NUDCD1: variants seen among roughly 807,000 people sequenced by gnomAD.
NUDCD1 encodes nudC domain-containing protein 1.
A neutral mutation model predicts 67.8 loss-of-function variants in NUDCD1; 60 were observed. The ratio of observed to expected loss-of-function variants is 0.88; its 90% CI spans 0.72 to 1.10. The LOEUF (loss-of-function observed/expected upper bound fraction) is 1.10. Ranked by LOEUF, NUDCD1 falls within the 50% of genes least tolerant of loss-of-function variation. The pLI is 0.00. For synonymous variants in NUDCD1, 244 were observed against 230.8 expected (o/e 1.06, Z -0.52); for missense variants, 643 against 695.0 (o/e 0.93, Z 0.84).
chr8:109,312,499 ATTAAGTT>A (rs996173210), intron 2 of NUDCD1, among the ~76,000 whole-genome samples: 4 of 152,204 alleles, frequency 2.6e-5, no homozygotes, highest in African/African-American at 9.6e-5. Flanking sequence ...CTATGGTTTT[ATTAAGTT>A]TTATGTTTTA....
At chr8:109,255,527 C>CT (rs1014477774) in intron 8 of NUDCD1, among the ~76,000 whole-genome samples, 2 of 151,800 alleles carry the variant, frequency 1.3e-5, no homozygotes, top group Non-Finnish European at 2.9e-5. Context: ...AAAACTGATA[C>CT]TTTTTTTTCA....
chr8:109,322,819 A>G (rs1332315253), intron 1 of NUDCD1, among the ~76,000 whole-genome samples: 1 of 152,006 alleles, frequency 6.6e-6, no homozygotes, highest in Non-Finnish European at 1.5e-5. Context: ...GTTAAGCCCA[A>G]TTTATGAAGT....
At chr8:109,295,334 T>G (rs1462135045) in intron 3 of NUDCD1, among the ~76,000 whole-genome samples, 1 of 152,194 alleles carries the variant, frequency 6.6e-6, no homozygotes, top group African/African-American at 2.4e-5. Context: ...TTCAGGTAGC[T>G]GTGCTACATA....
intron 8 of NUDCD1, among the ~76,000 whole-genome samples, chr8:109,246,089 C>T (rs945399628): frequency 8.5e-5 from 13 of 152,160 alleles, no homozygotes; most frequent in Non-Finnish European, 1.8e-4. Context: ...CTGAAACCAT[C>T]CACCAAGCCC....
chr8:109,305,506 G>C (rs2980631), intron 2 of NUDCD1, among the ~76,000 whole-genome samples: 57,936 of 151,912 alleles, frequency 0.38, 11,555 homozygotes, highest in South Asian at 0.5. Flanking sequence ...CAGCCTCCAA[G>C]TTAAAAAGGA....
intron 8 of NUDCD1, among the ~76,000 whole-genome samples, chr8:109,263,184 T>C (rs1813912981): frequency 1.3e-5 from 2 of 151,282 alleles, no homozygotes; most frequent in South Asian, 4.2e-4. Flanking sequence ...GAATAAAGTC[T>C]CTTTCCTCCA....
At chr8:109,279,329 C>A (rs989821237) in intron 6 of NUDCD1, among the ~76,000 whole-genome samples, 3 of 152,134 alleles carry the variant, frequency 2.0e-5, no homozygotes, top group Admixed American at 2.0e-4. Context: ...GTGTCTCACT[C>A]TAGTTTTAAT....
chr8:109,297,103 T>C (rs1425792602), intron 2 of NUDCD1, among the ~76,000 whole-genome samples: 1 of 152,232 alleles, frequency 6.6e-6, no homozygotes, highest in Non-Finnish European at 1.5e-5. Flanking sequence ...AAGTGGTTAT[T>C]GTTTCAAGTC....
intron 2 of NUDCD1, chr8:109,298,759 G>GT (rs1814904487): frequency 2.0e-5 from 3 of 152,198 alleles, no homozygotes; most frequent in African/African-American, 7.2e-5. Flanking sequence ...ACGGGAGGCA[G>GT]GACTAAATTG....
At chr8:109,282,525 T>C (rs956383818) in intron 5 of NUDCD1, among the ~76,000 whole-genome samples, 4 of 151,702 alleles carry the variant, frequency 2.6e-5, no homozygotes, top group African/African-American at 4.8e-5. Context: ...AACTAAAAAA[T>C]CCTATCTGCA....
chr8:109,270,067 C>CGGGGGGGGG (rs1171291973), intron 8 of NUDCD1, among the ~76,000 whole-genome samples: 2 of 4,568 alleles, frequency 4.4e-4, no homozygotes, highest in Admixed American at 3.4e-3. Flanking sequence ...GTGGCGGGGG[C>CGGGGGGGGG]GGGGGGGGGG....
At chr8:109,268,696 T>C (rs1185586884) in intron 8 of NUDCD1, among the ~76,000 whole-genome samples, 1 of 152,160 alleles carries the variant, frequency 6.6e-6, no homozygotes, top group Non-Finnish European at 1.5e-5. Context: ...CCTAAAACTA[T>C]AACGTTAAGA....
chr8:109,277,535 G>A (rs1271176033), intron 6 of NUDCD1, among the ~76,000 whole-genome samples: 2 of 151,466 alleles, frequency 1.3e-5, no homozygotes, highest in African/African-American at 2.4e-5. Context: ...TCCAAAGTGA[G>A]ACAACAGTAA....
intron 2 of NUDCD1, among the ~76,000 whole-genome samples, chr8:109,319,599 A>G (rs966067517): frequency 3.9e-5 from 6 of 152,192 alleles, no homozygotes; most frequent in African/African-American, 1.2e-4. Flanking sequence ...CACTGAATTA[A>G]AAGTATGCTC....
chr8:109,297,521 T>TC (rs918634424), intron 2 of NUDCD1, among the ~76,000 whole-genome samples: 24 of 128,254 alleles, frequency 1.9e-4, no homozygotes, highest in African/African-American at 5.7e-4. Flanking sequence ...GGAGTTTGTC[T>TC]CTTTTTCCCC....
intron 2 of NUDCD1, among the ~76,000 whole-genome samples, chr8:109,310,893 G>A (rs1446237873): frequency 7.5e-6 from 1 of 133,928 alleles, no homozygotes; most frequent in African/African-American, 2.9e-5. Context: ...TCGGCTCACT[G>A]AAACCTCCGT....
intron 1 of NUDCD1, among the ~76,000 whole-genome samples, chr8:109,329,023 T>C (rs138692308): frequency 1.1e-4 from 16 of 151,906 alleles, no homozygotes; most frequent in African/African-American, 3.1e-4. Flanking sequence ...CATAAGTAAG[T>C]AGAAGCAAGA....
chr8:109,245,180 A>T, intron 9 of NUDCD1, 142 bp downstream of exon 9: 1 of 754,248 alleles, frequency 1.3e-6, no homozygotes, highest in Non-Finnish European at 2.1e-6. Context: ...CACAACTAGT[A>T]CAAGCAAACA....
chr8:109,306,422 A>G (rs368658983), intron 2 of NUDCD1, among the ~76,000 whole-genome samples: 3 of 152,160 alleles, frequency 2.0e-5, no homozygotes, highest in Middle Eastern at 3.2e-3. Flanking sequence ...CTTCTTTAAG[A>G]AACAATTGTT....
Sources: gnomAD v4.1 joint callset for allele counts (sites outside exome capture counted in the v4.1 genomes callset) on GRCh38, gnomAD v4.1.1 for gene constraint, MANE v1.5 for transcripts, NCBI Gene and HGNC (gene_info 2026-07-23, HGNC 2026-07-21) for gene names.